PDE1C: variants seen among roughly 807,000 people sequenced by gnomAD.
PDE1C encodes the protein dual specificity calcium/calmodulin-dependent 3',5'-cyclic nucleotide phosphodiesterase 1C.
PDE1C carries 62 observed loss-of-function variants against 93.1 expected under a neutral mutation model. That is an observed-to-expected ratio of 0.67 (90% CI 0.54 to 0.82). The LOEUF (loss-of-function observed/expected upper bound fraction) is 0.82, where lower values mean the gene tolerates loss of function less well. Among genes scored for constraint, PDE1C ranks in the 40% least tolerant of loss-of-function variants. The probability of loss-of-function intolerance (pLI) is 0.00; values close to 1 mark genes in which losing one functional copy is unlikely to be tolerated. For synonymous variants in PDE1C, 325 were observed against 310.1 expected (o/e 1.05, Z -0.50); for missense variants, 742 against 884.6 (o/e 0.84, Z 2.04).
intron 1 of PDE1C, among the ~76,000 whole-genome samples, chr7:32,223,422 AC>A (rs1350838521): frequency 6.6e-6 from 1 of 152,096 alleles, no homozygotes; most frequent in East Asian, 1.9e-4. Context: ...AAGTTAGGTG[AC>A]CCACCAAGGC....
the PDE1C span, chr7:31,651,158 T>C: frequency 9.9e-6 from 16 of 1,613,304 alleles, no homozygotes; most frequent in African/African-American, 1.3e-5. Flanking sequence ...GTCCATGAGA[T>C]GGAAGCCATG....
chr7:32,282,503 T>C (rs1285850238), intron 1 of PDE1C, among the ~76,000 whole-genome samples: 1 of 151,224 alleles, frequency 6.6e-6, no homozygotes, highest in African/African-American at 2.4e-5. Flanking sequence ...GATAGATAGA[T>C]AGATAGATGG....
intron 1 of PDE1C, among the ~76,000 whole-genome samples, chr7:32,062,053 A>G (rs1341370202): frequency 6.6e-6 from 1 of 151,638 alleles, no homozygotes; most frequent in East Asian, 1.9e-4. Context: ...CCTTCCCCAT[A>G]TCTCCCCTCA....
chr7:32,399,304 G>A (rs1161452126), intron 1 of PDE1C, among the ~76,000 whole-genome samples: 1 of 152,180 alleles, frequency 6.6e-6, no homozygotes, highest in East Asian at 1.9e-4. Flanking sequence ...GTGGGATCCT[G>A]TACTGGTCAG....
chr7:31,908,840 T>C (rs913156409), intron 2 of PDE1C, among the ~76,000 whole-genome samples: 2 of 152,312 alleles, frequency 1.3e-5, no homozygotes, highest in Admixed American at 1.3e-4. Flanking sequence ...GACGTGAAGG[T>C]ATTTTGTAAA....
In PDE1C at chr7:32,237,742, G is replaced by GTATATATATATATATA. The variant is rs372356671; in HGVS notation, c.86-28219_86-28204dup. Among the ~76,000 whole-genome samples, 52 of 31,192 alleles carry GTATATATATATATATA rather than the reference G, an allele frequency of 1.7e-3. 1 individual carries two copies. Among genetic ancestry groups the GTATATATATATATATA allele is most frequent in the East Asian group, 5.5e-3 (5 of 902 alleles). The allele number at this position is 31,192 out of a possible 152,430, so 20.5% of individuals were successfully genotyped here. ...AGCCACTATCCGCACTTGGCTCTGT[G>GTATATATATATATATA]TATATATATATATATATATACTTTT... On this transcript the variant is annotated intron_variant, in intron 1 of 18. Coordinates refer to the PDE1C transcript ENST00000396193.
intron 2 of PDE1C, among the ~76,000 whole-genome samples, chr7:31,935,455 G>A (rs1413615722): frequency 3.3e-5 from 5 of 152,068 alleles, no homozygotes; most frequent in African/African-American, 1.2e-4. Flanking sequence ...TCACACTAAA[G>A]TTCATACACC....
At chr7:32,221,497 T>C (rs13228936) in intron 1 of PDE1C, among the ~76,000 whole-genome samples, 18,284 of 152,202 alleles carry the variant, frequency 0.12, 1,185 homozygotes, top group East Asian at 0.23. Context: ...CTTGTTAAAC[T>C]GCAGATTCAT....
At chr7:32,186,905 G>A (rs924652018) in intron 2 of PDE1C, among the ~76,000 whole-genome samples, 1 of 152,066 alleles carries the variant, frequency 6.6e-6, no homozygotes, top group African/African-American at 2.4e-5. Context: ...CATTGTGGAC[G>A]GCATCCCTCC....
At chr7:31,697,861 G>A in the PDE1C span, among the ~76,000 whole-genome samples, 51 of 152,252 alleles carry the variant, frequency 3.3e-4, no homozygotes, top group Non-Finnish European at 5.7e-4. Flanking sequence ...CTATTATCTC[G>A]TTTTGCAGAC....
intron 2 of PDE1C, among the ~76,000 whole-genome samples, chr7:32,170,899 C>T (rs1429126072): frequency 3.9e-5 from 6 of 152,178 alleles, no homozygotes; most frequent in Admixed American, 6.5e-5. Flanking sequence ...CCACTCTCCA[C>T]TGGGCCTAAT....
chr7:31,726,475 A>C, the PDE1C span, among the ~76,000 whole-genome samples: 4 of 152,196 alleles, frequency 2.6e-5, no homozygotes, highest in Non-Finnish European at 5.9e-5. Context: ...AGGCATTCAC[A>C]AGCAGGCCTT....
chr7:31,730,356 C>T, the PDE1C span, among the ~76,000 whole-genome samples: 6 of 152,142 alleles, frequency 3.9e-5, no homozygotes, highest in East Asian at 1.9e-4. Context: ...TTCCCTCTGC[C>T]GTCTCCTCAT....
chr7:31,980,273 A>G (rs1251553132), intron 2 of PDE1C, among the ~76,000 whole-genome samples: 5 of 152,228 alleles, frequency 3.3e-5, no homozygotes, highest in South Asian at 2.1e-4. Flanking sequence ...TTAATAATTC[A>G]GGAAGTAATT....
chr7:31,837,394 G>A, intron 10 of PDE1C, 94 bp from the exon 11 acceptor site: 1 of 1,222,994 alleles, frequency 8.2e-7, no homozygotes, highest in South Asian at 2.0e-5. Context: ...AATCTCTTTT[G>A]TTCTTCCATC....
chr7:32,388,844 T>C (rs978017920), intron 1 of PDE1C, among the ~76,000 whole-genome samples: 19 of 152,042 alleles, frequency 1.2e-4, no homozygotes, highest in Non-Finnish European at 2.5e-4. Flanking sequence ...GGGGAAACCG[T>C]CTAGAGAATT....
chr7:32,297,163 C>T (rs1004372214), intron 1 of PDE1C, among the ~76,000 whole-genome samples: 4 of 152,090 alleles, frequency 2.6e-5, no homozygotes, highest in Non-Finnish European at 5.9e-5. Flanking sequence ...GGATTTGGTA[C>T]GTTTGGAGAA....
the PDE1C span, among the ~76,000 whole-genome samples, chr7:31,674,983 C>T: frequency 1.3e-5 from 2 of 152,326 alleles, no homozygotes; most frequent in African/African-American, 4.8e-5. Flanking sequence ...GGTATACTCA[C>T]ATGGGATTTA....
chr7:31,836,377 C>T (rs928923302), intron 11 of PDE1C, among the ~76,000 whole-genome samples: 1 of 152,086 alleles, frequency 6.6e-6, no homozygotes, highest in South Asian at 2.1e-4. Context: ...GCGCTGTCGC[C>T]AGGCTGGAGT....
Sources: allele counts gnomAD v4.1 joint callset (sites outside exome capture counted in the v4.1 genomes callset), GRCh38; gene constraint gnomAD v4.1.1; transcripts MANE v1.5; gene names NCBI Gene and HGNC (gene_info 2026-07-23, HGNC 2026-07-21).